KCNMA1: variants seen among roughly 807,000 people sequenced by gnomAD.
The protein encoded by KCNMA1 is Calcium-activated potassium channel subunit alpha-1.
KCNMA1 carries 29 observed loss-of-function variants against 140.0 expected under a neutral mutation model. That is an observed-to-expected ratio of 0.21 (90% CI 0.15 to 0.28). KCNMA1 has a LOEUF of 0.28. Among genes scored for constraint, KCNMA1 ranks in the 10% least tolerant of loss-of-function variants. KCNMA1 has a pLI of 1.00. For missense variants in KCNMA1, 880 were observed against 1,602.2 expected, an observed-to-expected ratio of 0.55 and a Z score of 7.70; for synonymous variants, 612 against 611.9, an observed-to-expected ratio of 1.00 and a Z score of 0.00.
intron 19 of KCNMA1, among the ~76,000 whole-genome samples, chr10:76,980,805 G>C (rs2079197754): frequency 6.6e-6 from 1 of 152,130 alleles, no homozygotes; most frequent in African/African-American, 2.4e-5. Context: ...AAGATTTTAA[G>C]GCATGGGATA....
chr10:76,915,246 T>C (rs1172646337), intron 23 of KCNMA1, among the ~76,000 whole-genome samples, 197 bp from the exon 24 acceptor site: 1 of 152,212 alleles, frequency 6.6e-6, no homozygotes, highest in Non-Finnish European at 1.5e-5. Context: ...TAAATAATCG[T>C]AACTCACTTC....
chr10:77,236,855 G>A (rs2055667097), intron 3 of KCNMA1, among the ~76,000 whole-genome samples: 1 of 152,172 alleles, frequency 6.6e-6, no homozygotes, highest in African/African-American at 2.4e-5. Context: ...CTGTTTCCCA[G>A]GCTGATCTCA....
At chr10:77,025,887 T>C (rs1231877338) in intron 16 of KCNMA1, among the ~76,000 whole-genome samples, 1 of 151,894 alleles carries the variant, frequency 6.6e-6, no homozygotes, top group African/African-American at 2.4e-5. Context: ...AGAACCAATG[T>C]GCTTCCACAC....
At chr10:77,140,294 C>G (rs2098136088) in intron 5 of KCNMA1, 1 of 152,670 alleles carries the variant, frequency 6.6e-6, no homozygotes, top group South Asian at 2.1e-4. Flanking sequence ...GAGTCCTTAC[C>G]CCAGGATGCA....
chr10:77,580,177 C>T (rs925666865), intron 1 of KCNMA1, among the ~76,000 whole-genome samples: 5 of 152,062 alleles, frequency 3.3e-5, no homozygotes, highest in East Asian at 1.9e-4. Context: ...GTCTGGAGAT[C>T]GAGACCATCT....
At chr10:77,568,506 C>A (rs1405577545) in intron 1 of KCNMA1, among the ~76,000 whole-genome samples, 1 of 151,904 alleles carries the variant, frequency 6.6e-6, no homozygotes, top group Non-Finnish European at 1.5e-5. Context: ...TCAATAGATG[C>A]AGAAAAGGCC....
At position 76,886,971 on chromosome 10, in the gene KCNMA1, C is replaced by A; in HGVS notation, c.*295G>T. The A allele has an allele frequency of 8.0e-7, 1 of 1,246,650 alleles. No homozygotes were observed. Among genetic ancestry groups the A allele is most frequent in the Non-Finnish European group, 1.0e-6 (1 of 980,980 alleles). 77.2% of individuals were successfully genotyped at this position (1,246,650 alleles called of 1,614,324 possible). ...TTGATCACAAGTGCTCCCTTCTAAT[C>A]TGTGAACTCGTTCCTGCAGTGAGCT... On this transcript the variant is annotated 3_prime_UTR_variant, in exon 28 of 28. Coordinates refer to ENST00000286628, the MANE Select transcript of KCNMA1 (RefSeq NM_001161352.2).
rs576005315 is a variant in KCNMA1 at position 77,498,076 on chromosome 10, A to C, written c.379-94053T>G. Among the ~76,000 whole-genome samples the C allele has an allele frequency of 2.0e-5, 3 of 151,960 alleles. No homozygotes were observed. The South Asian group carries it at 6.2e-4, about 32-fold the overall frequency. On this transcript the variant is annotated intron_variant, in intron 1 of 27. Coordinates refer to ENST00000286628, the MANE Select transcript of KCNMA1 (RefSeq NM_001161352.2). ...AACAGGTGCCATCAATGTGCCAAAA[A>C]CCTAAAGGAATCTGAAAAAAAAAAA...
chr10:76,900,496 C>T (rs1367281733), intron 25 of KCNMA1, among the ~76,000 whole-genome samples: 1 of 151,718 alleles, frequency 6.6e-6, no homozygotes, highest in African/African-American at 2.4e-5. Flanking sequence ...ATATTTTCTG[C>T]TGTGAAAATA....
intron 1 of KCNMA1, among the ~76,000 whole-genome samples, chr10:77,467,332 A>C (rs2098046942): frequency 6.6e-6 from 1 of 152,176 alleles, no homozygotes; most frequent in African/African-American, 2.4e-5. Context: ...TGTTGGTTGC[A>C]TTTTTTGATG....
At chr10:77,533,733 G>A (rs571670300) in intron 1 of KCNMA1, among the ~76,000 whole-genome samples, 3 of 152,228 alleles carry the variant, frequency 2.0e-5, no homozygotes, top group South Asian at 2.1e-4. Flanking sequence ...AACTCCCCCT[G>A]CTTAGGCTTT....
intron 2 of KCNMA1, among the ~76,000 whole-genome samples, chr10:77,395,080 C>T (rs990459917): frequency 6.6e-6 from 1 of 152,144 alleles, no homozygotes; most frequent in Non-Finnish European, 1.5e-5. Flanking sequence ...GGTATGGTGG[C>T]TCACATCTGT....
chr10:77,560,977 C>T (rs1275557712), intron 1 of KCNMA1, among the ~76,000 whole-genome samples: 1 of 152,060 alleles, frequency 6.6e-6, no homozygotes, highest in Non-Finnish European at 1.5e-5. Flanking sequence ...CCTGGGACTA[C>T]TGGAAAAATG....
In KCNMA1 at chr10:77,074,112, T is replaced by C. The variant is rs2096305566; in HGVS notation, c.1594-860A>G. 2.6e-5 allele frequency among the ~76,000 whole-genome samples: 4 copies of C among 152,270 alleles called. No individual in the cohort carries two copies. In the South Asian group the frequency reaches 8.3e-4, roughly 32 times the overall value. On this transcript the variant is annotated intron_variant, in intron 13 of 27. Coordinates refer to ENST00000286628, the MANE Select transcript of KCNMA1 (RefSeq NM_001161352.2). ...AGGCTTTCATGTCAAGTACAGCATT[T>C]AGGCTAAAAAAAATCAACTATATAA...
intron 26 of KCNMA1, among the ~76,000 whole-genome samples, chr10:76,890,289 G>C (rs1340987357): frequency 6.6e-6 from 1 of 152,182 alleles, no homozygotes; most frequent in Non-Finnish European, 1.5e-5. Context: ...GGTGGCTTCA[G>C]GTAGATGTTA....
chr10:76,943,706 T>G (rs2063187734), intron 23 of KCNMA1, among the ~76,000 whole-genome samples: 1 of 152,196 alleles, frequency 6.6e-6, no homozygotes, highest in Non-Finnish European at 1.5e-5. Context: ...GAACTATTGT[T>G]CCTGGCTTTT....
intron 2 of KCNMA1, among the ~76,000 whole-genome samples, chr10:77,312,010 T>C (rs2079446143): frequency 6.6e-6 from 1 of 152,190 alleles, no homozygotes. Context: ...ACTGATGTTG[T>C]TGGATTCAAC....
intron 1 of KCNMA1, among the ~76,000 whole-genome samples, chr10:77,563,821 C>T (rs757461180): frequency 3.3e-5 from 5 of 152,306 alleles, no homozygotes; most frequent in South Asian, 2.1e-4. Context: ...TGTGGGGCCG[C>T]GTAGCACACC....
intron 1 of KCNMA1, among the ~76,000 whole-genome samples, chr10:77,439,132 G>GAA (rs1052327672): frequency 2.1e-5 from 3 of 144,254 alleles, no homozygotes; most frequent in Admixed American, 1.4e-4. Context: ...GAAGAGAAGA[G>GAA]AAGAGAAGAG....
Sources: allele counts gnomAD v4.1 joint callset (sites outside exome capture counted in the v4.1 genomes callset), GRCh38; gene constraint gnomAD v4.1.1; transcripts MANE v1.5; gene names NCBI Gene and HGNC (gene_info 2026-07-23, HGNC 2026-07-21).